ABI2: variants seen among roughly 807,000 people sequenced by gnomAD.
ABI2 encodes the protein abl interactor 2, also known as abelson interactor 2.
Under a neutral mutation model 59.2 loss-of-function variants are expected in ABI2, and 25 were observed. The observed-to-expected ratio is 0.42, with a 90% CI of 0.31 to 0.59. The LOEUF (loss-of-function observed/expected upper bound fraction) is 0.59. Among genes scored for constraint, ABI2 ranks in the 20% least tolerant of loss-of-function variants. ABI2 has a pLI of 0.14. For missense variants in ABI2, 545 were observed against 681.8 expected (o/e 0.80, Z 2.23); for synonymous variants, 213 against 235.5 (o/e 0.90, Z 0.87).
At chr2:203,411,971 G>A (rs2097694108) in intron 10 of ABI2, among the ~76,000 whole-genome samples, 1 of 152,316 alleles carries the variant, frequency 6.6e-6, no homozygotes, top group South Asian at 2.1e-4. Context: ...TGCTGTCACA[G>A]AGACCAGTGA....
intron 7 of ABI2, 97 bp from the exon 8 acceptor site, chr2:203,396,688 C>T (rs886479294): frequency 1.6e-6 from 2 of 1,239,674 alleles, no homozygotes; most frequent in Admixed American, 3.6e-5. Flanking sequence ...TAGTGTTAAG[C>T]ACTGAATATC....
intron 9 of ABI2, chr2:203,403,321 G>T (rs1449123877): frequency 6.5e-6 from 1 of 154,574 alleles, no homozygotes; most frequent in Admixed American, 6.5e-5. Flanking sequence ...CCCCAGAGAG[G>T]GCAAGAACAA....
At chr2:203,423,201 C>T (rs1401032296) in intron 11 of ABI2, among the ~76,000 whole-genome samples, 1 of 151,900 alleles carries the variant, frequency 6.6e-6, no homozygotes, top group East Asian at 1.9e-4. Flanking sequence ...TTAATTTTTC[C>T]CCCAATATGT....
Position 203,427,457 on chromosome 2 carries a change from T to C in ABI2, c.*105T>C. 1 of 1,063,994 alleles carries C rather than the reference T, an allele frequency of 9.4e-7. No homozygotes were observed. The highest frequency in any genetic ancestry group is 1.3e-6 in the Non-Finnish European group (1 of 765,872). The allele number at this position is 1,063,994 out of a possible 1,614,324, so 65.9% of individuals were successfully genotyped here. ...AGTAAAGTAGAATGAAGGATACAAA[T>C]GATAAAAATTACACTTTTTTTTTTG... On this transcript the variant is annotated 3_prime_UTR_variant, in exon 12 of 12. Coordinates refer to ENST00000261018, the MANE Select transcript of ABI2 (RefSeq NM_001375670.1).
At chr2:203,400,188 A>G (rs2097166662) in intron 8 of ABI2, among the ~76,000 whole-genome samples, 1 of 145,002 alleles carries the variant, frequency 6.9e-6, no homozygotes, top group African/African-American at 2.6e-5. Context: ...CCTGGATTCA[A>G]GTGATTCTCC....
chr2:203,382,093 T>C (rs2096170086), intron 3 of ABI2, 96 bp from the exon 4 acceptor site: 9 of 1,073,172 alleles, frequency 8.4e-6, no homozygotes, highest in Non-Finnish European at 1.2e-5. Flanking sequence ...AACTTGTTTT[T>C]TCTTTTTTTC....
Position 203,417,530 on chromosome 2 carries a change from G to C in ABI2, c.1453+449G>C, listed in dbSNP as rs923439813. ...CAAGTAATATTGGGCATTTCTTTTA[G>C]TGAAAAGCTTCTTTGATATTAGCTA... On this transcript the variant is annotated intron_variant, in intron 11 of 11. Transcript: ENST00000261018. Among the ~76,000 whole-genome samples the C allele has an allele frequency of 5.9e-5, 9 of 152,126 alleles. No homozygotes were observed. In the East Asian group the frequency reaches 1.7e-3, roughly 29 times the overall value.
intron 1 of ABI2, among the ~76,000 whole-genome samples, chr2:203,365,489 G>A (rs2094286302): frequency 1.3e-5 from 2 of 151,970 alleles, no homozygotes; most frequent in South Asian, 4.1e-4. Flanking sequence ...AGCAGAACTT[G>A]TAAAACTTCA....
intron 8 of ABI2, among the ~76,000 whole-genome samples, chr2:203,399,387 T>A (rs1559333896): frequency 1.3e-5 from 2 of 152,226 alleles, no homozygotes; most frequent in Non-Finnish European, 2.9e-5. Flanking sequence ...CTTCTCACCT[T>A]TTTAATAGGG....
rs1559289589 is a variant in ABI2 at position 203,384,308 on chromosome 2, T to TTGTTTTTTTG, written c.480+2103_480+2104insGTTTTTTTGT. Among the ~76,000 whole-genome samples the TTGTTTTTTTG allele has an allele frequency of 1.0e-4, 8 of 79,894 alleles. 1 individual carries two copies. Among genetic ancestry groups the TTGTTTTTTTG allele is most frequent in the Non-Finnish European group, 2.7e-4 (8 of 29,908 alleles). 52.4% of individuals were successfully genotyped at this position (79,894 alleles called of 152,430 possible). A position where few individuals can be genotyped will look rare whatever the true frequency, so the allele number is the denominator to read the frequency against. On this transcript the variant is annotated intron_variant, in intron 4 of 11. Coordinates refer to ENST00000261018, the MANE Select transcript of ABI2 (RefSeq NM_001375670.1). ...TGTTTTTGTTTTTTTTTTTTTTTTT[T>TTGTTTTTTTG]TTTTTTTTTTTTTTTTGAGACAGGG...
intron 2 of ABI2, among the ~76,000 whole-genome samples, chr2:203,377,732 C>T (rs1022749385): frequency 6.6e-6 from 1 of 152,142 alleles, no homozygotes; most frequent in African/African-American, 2.4e-5. Context: ...ATGGAAAAAC[C>T]CCAACTCTAC....
intron 2 of ABI2, among the ~76,000 whole-genome samples, chr2:203,377,184 A>G (rs10191084): frequency 1 from 151,655 of 152,282 alleles, 75,516 homozygotes; most frequent in East Asian, 1. Context: ...GCATGGTGGT[A>G]CATGCCTGTA....
chr2:203,371,599 A>G (rs1162639893), intron 2 of ABI2, among the ~76,000 whole-genome samples: 1 of 152,166 alleles, frequency 6.6e-6, no homozygotes, highest in Admixed American at 6.6e-5. Flanking sequence ...CTGTTATCCT[A>G]TTCATTCTTT....
chr2:203,374,498 C>CAAA (rs777951265), intron 2 of ABI2, among the ~76,000 whole-genome samples: 14 of 53,804 alleles, frequency 2.6e-4, no homozygotes, highest in East Asian at 1.0e-3. Flanking sequence ...GACTCTGTCT[C>CAAA]AAAAAAAAAA....
chr2:203,396,977 T>G lies in ABI2; in HGVS notation c.1033+10T>G. 1.4e-6 allele frequency: 2 copies of G among 1,429,346 alleles called. No homozygotes were observed. The highest frequency in any genetic ancestry group is 3.0e-5 in the South Asian group (2 of 67,292). 88.5% of individuals were successfully genotyped at this position (1,429,346 alleles called of 1,614,324 possible). On this transcript the variant is annotated intron_variant, in intron 8 of 11. Transcript: ENST00000261018. ...TCCACTCCCCCTACAGGTAAGTATT[T>G]GCTTATTCATTGGCAGGCAGATGCA... is the stretch of plus-strand genomic sequence containing the variant.
At chr2:203,423,825 T>A (rs2254889) in intron 11 of ABI2, among the ~76,000 whole-genome samples, 150,930 of 152,376 alleles carry the variant, frequency 0.99, 74,770 homozygotes, top group Middle Eastern at 1. Context: ...AAAAAGAGAA[T>A]CATTTAAGCT....
At chr2:203,365,784 C>T (rs2094348826) in intron 1 of ABI2, among the ~76,000 whole-genome samples, 1 of 151,836 alleles carries the variant, frequency 6.6e-6, no homozygotes, top group Admixed American at 6.6e-5. Flanking sequence ...CGCCCGCCAC[C>T]ATGCCTGGCT....
chr2:203,403,874 C>T (rs1449905714), intron 9 of ABI2, among the ~76,000 whole-genome samples: 2 of 151,344 alleles, frequency 1.3e-5, no homozygotes, highest in Non-Finnish European at 2.9e-5. Flanking sequence ...GCCTCAGCCT[C>T]CTGAGTAGCT....
chr2:203,373,296 A>G (rs976590545), intron 2 of ABI2, among the ~76,000 whole-genome samples: 2 of 152,188 alleles, frequency 1.3e-5, no homozygotes, highest in South Asian at 2.1e-4. Context: ...CCCCGTCTCC[A>G]CCAAAAAAGT....
Sources: gnomAD v4.1 joint callset for allele counts (sites outside exome capture counted in the v4.1 genomes callset) on GRCh38, gnomAD v4.1.1 for gene constraint, MANE v1.5 for transcripts, NCBI Gene and HGNC (gene_info 2026-07-23, HGNC 2026-07-21) for gene names.